PAPSS1: variants seen among roughly 807,000 people sequenced by gnomAD.
PAPSS1 encodes 3'-phosphoadenosine 5'-phosphosulfate synthase 1, also known as bifunctional 3'-phosphoadenosine 5'-phosphosulfate synthase 1.
A neutral mutation model predicts 72.0 loss-of-function variants in PAPSS1; 50 were observed. The ratio of observed to expected loss-of-function variants is 0.69; its 90% CI spans 0.55 to 0.88. PAPSS1 has a LOEUF of 0.88. Among genes scored for constraint, PAPSS1 ranks in the 40% least tolerant of loss-of-function variants. The pLI is 0.00. For missense variants in PAPSS1, 657 were observed against 782.2 expected (o/e 0.84, Z 1.91); for synonymous variants, 261 against 263.6 (o/e 0.99, Z 0.09).
intron 10 of PAPSS1, among the ~76,000 whole-genome samples, chr4:107,641,724 T>A (rs1726549660): frequency 6.6e-6 from 1 of 152,270 alleles, no homozygotes; most frequent in African/African-American, 2.4e-5. Flanking sequence ...CCAAAGGATA[T>A]CCCAAATCAG....
intron 11 of PAPSS1, among the ~76,000 whole-genome samples, chr4:107,630,114 A>G (rs1332913008): frequency 6.6e-6 from 1 of 152,200 alleles, no homozygotes; most frequent in African/African-American, 2.4e-5. Context: ...TTTTATCCCT[A>G]GTCTCCAGAT....
chr4:107,621,608 CTT>C (rs10670438), intron 11 of PAPSS1, among the ~76,000 whole-genome samples: 105 of 48,136 alleles, frequency 2.2e-3, no homozygotes, highest in African/African-American at 6.6e-3. Context: ...GGTTTTTTAT[CTT>C]TTTTTTTTTT....
At chr4:107,719,554 T>C (rs1723723923) in intron 1 of PAPSS1, among the ~76,000 whole-genome samples, 1 of 152,200 alleles carries the variant, frequency 6.6e-6, no homozygotes, top group African/African-American at 2.4e-5. Flanking sequence ...AGAACCTCAG[T>C]TCAGGGCAGT....
intron 11 of PAPSS1, among the ~76,000 whole-genome samples, chr4:107,626,034 C>T (rs976267042): frequency 2.0e-5 from 3 of 151,970 alleles, no homozygotes; most frequent in African/African-American, 4.8e-5. Context: ...AAAAAATAGC[C>T]GGGCGCGGTG....
chr4:107,673,614 T>A (rs1377884293), intron 5 of PAPSS1, among the ~76,000 whole-genome samples: 1 of 150,092 alleles, frequency 6.7e-6, no homozygotes, highest in Non-Finnish European at 1.5e-5. Context: ...ACAGGGAGAA[T>A]GACACTCTGC....
intron 5 of PAPSS1, among the ~76,000 whole-genome samples, chr4:107,679,148 C>T (rs575093262): frequency 1.4e-4 from 21 of 152,246 alleles, no homozygotes; most frequent in Non-Finnish European, 1.0e-4. Flanking sequence ...GCACAGGTCA[C>T]GCCTAAGACT....
chr4:107,712,195 C>T (rs1379059626), intron 1 of PAPSS1, among the ~76,000 whole-genome samples: 25 of 152,122 alleles, frequency 1.6e-4, no homozygotes, highest in Admixed American at 1.4e-3. Flanking sequence ...CTGGGAATTC[C>T]GGCCCTAAGA....
At chr4:107,704,673 T>C (rs949054304) in intron 1 of PAPSS1, among the ~76,000 whole-genome samples, 1 of 152,198 alleles carries the variant, frequency 6.6e-6, no homozygotes, top group African/African-American at 2.4e-5. Context: ...ATATGTTAGC[T>C]GGGCATGGTG....
intron 1 of PAPSS1, among the ~76,000 whole-genome samples, chr4:107,710,966 A>G (rs1723476885): frequency 2.6e-5 from 4 of 152,244 alleles, no homozygotes; most frequent in African/African-American, 9.6e-5. Context: ...CCTGCGCTGT[A>G]AACTCGCTGA....
chr4:107,690,327 A>C (rs1722883751), intron 3 of PAPSS1, among the ~76,000 whole-genome samples: 1 of 152,144 alleles, frequency 6.6e-6, no homozygotes, highest in Non-Finnish European at 1.5e-5. Context: ...TCCCCAAAAA[A>C]ACAAACTGTC....
At chr4:107,642,173 C>T (rs114717876) in intron 10 of PAPSS1, among the ~76,000 whole-genome samples, 167 of 152,144 alleles carry the variant, frequency 1.1e-3, no homozygotes, top group African/African-American at 3.8e-3. Flanking sequence ...CAGGGCCATC[C>T]TAACTCACTA....
At chr4:107,704,920 G>A (rs538294562) in intron 1 of PAPSS1, among the ~76,000 whole-genome samples, 3 of 150,154 alleles carry the variant, frequency 2.0e-5, no homozygotes, top group South Asian at 2.1e-4. Flanking sequence ...CATTGCACTC[G>A]AGCCTGGGTG....
intron 9 of PAPSS1, among the ~76,000 whole-genome samples, chr4:107,645,757 C>A (rs1383233695): frequency 6.6e-6 from 1 of 152,196 alleles, no homozygotes; most frequent in Non-Finnish European, 1.5e-5. Context: ...CCTTTCCAAT[C>A]CAGTTAGAGG....
chr4:107,700,167 T>G (rs886352525), intron 2 of PAPSS1, among the ~76,000 whole-genome samples: 2 of 152,178 alleles, frequency 1.3e-5, no homozygotes, highest in African/African-American at 4.8e-5. Flanking sequence ...AGAGTAACTT[T>G]TTTGCCAATC....
At chr4:107,646,910 C>T (rs1243261850) in intron 9 of PAPSS1, among the ~76,000 whole-genome samples, 2 of 152,210 alleles carry the variant, frequency 1.3e-5, no homozygotes, top group African/African-American at 2.4e-5. Context: ...CTGTCCTCCA[C>T]ATGTAATGAG....
At chr4:107,701,105 G>T in intron 2 of PAPSS1, 66 bp downstream of exon 2, 1 of 929,438 alleles carries the variant, frequency 1.1e-6, no homozygotes, top group Non-Finnish European at 1.7e-6. Flanking sequence ...ATATGCTTAC[G>T]CCTAGTCCAA....
chr4:107,660,144 G>C (rs1578404643), intron 5 of PAPSS1, 72 bp from the exon 6 acceptor site: 1 of 780,406 alleles, frequency 1.3e-6, no homozygotes. Flanking sequence ...GTATCTTAAT[G>C]AAGAAAATCT....
intron 2 of PAPSS1, among the ~76,000 whole-genome samples, chr4:107,700,869 G>A (rs1447721286): frequency 2.0e-5 from 3 of 152,174 alleles, no homozygotes; most frequent in Non-Finnish European, 4.4e-5. Context: ...GGTTTTCACT[G>A]TTAGCTTCTC....
At chr4:107,702,056 G>A (rs1488528667) in intron 1 of PAPSS1, among the ~76,000 whole-genome samples, 1 of 150,090 alleles carries the variant, frequency 6.7e-6, no homozygotes, top group Admixed American at 6.6e-5. Context: ...ACATACAAAT[G>A]GTCAATAAGC....
Sources: allele counts gnomAD v4.1 joint callset (sites outside exome capture counted in the v4.1 genomes callset), GRCh38; gene constraint gnomAD v4.1.1; transcripts MANE v1.5; gene names NCBI Gene and HGNC (gene_info 2026-07-23, HGNC 2026-07-21).